The following DAB1 variants were observed in gnomAD, a reference collection of about 807,000 sequenced individuals.
DAB1 encodes the protein DAB adaptor protein 1, also known as disabled homolog 1.
Under a neutral mutation model 64.6 loss-of-function variants are expected in DAB1, and 15 were observed. That is an observed-to-expected ratio of 0.23 (90% CI 0.16 to 0.36). The LOEUF is 0.36. Ranked by LOEUF, DAB1 falls within the 10% of genes least tolerant of loss-of-function variation. The pLI is 1.00. For synonymous variants in DAB1, 235 were observed against 251.9 expected (o/e 0.93, Z 0.64); for missense variants, 596 against 706.7 (o/e 0.84, Z 1.78).
At chr1:57,053,642 ATCTCTC>A (rs146813079) in intron 9 of DAB1, among the ~76,000 whole-genome samples, 1 of 126,284 alleles carries the variant, frequency 7.9e-6, no homozygotes, top group Non-Finnish European at 1.6e-5. Context: ...CCATCTAAGA[ATCTCTC>A]TCTCTCTCTC....
rs1366864165 is a variant in DAB1 at position 57,695,271 on chromosome 1, A to T, written n.552-45606T>A. Among the ~76,000 whole-genome samples, 45 of 133,020 alleles carry T rather than the reference A, an allele frequency of 3.4e-4. 1 individual carries two copies. Among genetic ancestry groups the T allele is most frequent in the Non-Finnish European group, 5.3e-4 (33 of 61,798 alleles). 87.3% of individuals were successfully genotyped at this position (133,020 alleles called of 152,430 possible). ...AAAGAAAGAAAGAAGGAAGGAAGGA[A>T]GGAAGGAAGGAAGAAAGGGAGAGAG... On this transcript the variant is annotated intron_variant and non_coding_transcript_variant, in intron 6 of 20. Transcript: ENST00000485760.
intron 2 of DAB1, among the ~76,000 whole-genome samples, chr1:57,197,237 A>G (rs1394526213): frequency 6.6e-6 from 1 of 151,946 alleles, no homozygotes; most frequent in Non-Finnish European, 1.5e-5. Flanking sequence ...CCAGTTACTC[A>G]GGAGGTTGAG....
chr1:57,537,793 G>C (rs926859995), intron 7 of DAB1, among the ~76,000 whole-genome samples: 1 of 152,206 alleles, frequency 6.6e-6, no homozygotes, highest in East Asian at 1.9e-4. Context: ...CTGAGGCTGA[G>C]TAATTTATAA....
intron 2 of DAB1, among the ~76,000 whole-genome samples, chr1:57,177,191 T>A (rs1419979912): frequency 6.6e-6 from 1 of 152,106 alleles, no homozygotes; most frequent in East Asian, 1.9e-4. Flanking sequence ...CTTTCTGTGA[T>A]TTGCTGCCCT....
chr1:57,519,677 C>T (rs144054601), intron 7 of DAB1, among the ~76,000 whole-genome samples: 13 of 152,222 alleles, frequency 8.5e-5, no homozygotes, highest in African/African-American at 2.6e-4. Context: ...AAGTTATCTA[C>T]GAGGCTTGTA....
chr1:57,621,707 C>T (rs1057132328), intron 7 of DAB1, among the ~76,000 whole-genome samples: 2 of 152,124 alleles, frequency 1.3e-5, no homozygotes, highest in East Asian at 1.9e-4. Flanking sequence ...GTGGGATTCT[C>T]GCTGCAGAGA....
intron 2 of DAB1, among the ~76,000 whole-genome samples, chr1:57,275,615 A>G (rs1195169557): frequency 1.3e-5 from 2 of 152,214 alleles, no homozygotes; most frequent in Non-Finnish European, 2.9e-5. Flanking sequence ...AAATCAAGAC[A>G]CCAGGACAAC....
At chr1:57,668,032 T>TTA (rs1558592750) in intron 6 of DAB1, among the ~76,000 whole-genome samples, 1 of 151,386 alleles carries the variant, frequency 6.6e-6, no homozygotes, top group Non-Finnish European at 1.5e-5. Context: ...AAGTAAAATT[T>TTA]AAAAAAAAAT....
At chr1:58,445,901 C>T (rs957857810) in intron 3 of DAB1, among the ~76,000 whole-genome samples, 4 of 152,156 alleles carry the variant, frequency 2.6e-5, no homozygotes, top group African/African-American at 4.8e-5. Context: ...AACAGGTCTC[C>T]GGCCTGGCAG....
In DAB1 at chr1:57,907,988, A is replaced by C. The variant is rs573153396; in HGVS notation, n.388-23826T>G. 1.4e-4 allele frequency among the ~76,000 whole-genome samples: 21 copies of C among 151,840 alleles called. No homozygotes were observed. In the South Asian group the frequency reaches 4.4e-3, roughly 32 times the overall value. ...AACCAAATTACCCAGCACCATTACTAAATATAAGTCCTCTCCCCTACTTGA... is the reference window on the plus strand; with the variant it reads ...AACCAAATTACCCAGCACCATTACTCAATATAAGTCCTCTCCCCTACTTGA... On this transcript the variant is annotated intron_variant and non_coding_transcript_variant, in intron 5 of 20. Coordinates refer to the DAB1 transcript ENST00000485760.
chr1:57,618,195 A>C (rs1438702157), intron 7 of DAB1, among the ~76,000 whole-genome samples: 1 of 152,160 alleles, frequency 6.6e-6, no homozygotes, highest in Non-Finnish European at 1.5e-5. Flanking sequence ...TGGGTGGATC[A>C]CTTGAGGTCA....
At chr1:58,392,368 T>C (rs936597582) in intron 3 of DAB1, among the ~76,000 whole-genome samples, 37 of 152,172 alleles carry the variant, frequency 2.4e-4, no homozygotes, top group Admixed American at 3.9e-4. Context: ...CTCTCAACTA[T>C]AAAGAGAAAC....
chr1:57,428,039 A>T (rs1257746261), upstream of DAB1, among the ~76,000 whole-genome samples: 2 of 152,098 alleles, frequency 1.3e-5, no homozygotes, highest in Non-Finnish European at 2.9e-5. Flanking sequence ...GTGGTGGCTC[A>T]TGCCTGTAAT....
At chr1:57,581,665 T>C (rs1331258741) in intron 7 of DAB1, among the ~76,000 whole-genome samples, 1 of 149,506 alleles carries the variant, frequency 6.7e-6, no homozygotes, top group South Asian at 2.1e-4. Flanking sequence ...AATATGGTCC[T>C]ATATACCACA....
intron 5 of DAB1, among the ~76,000 whole-genome samples, chr1:58,064,395 T>A (rs897086667): frequency 2.0e-5 from 3 of 152,208 alleles, no homozygotes; most frequent in Non-Finnish European, 4.4e-5. Flanking sequence ...AGCATCCTAA[T>A]GACACTGAAA....
At chr1:58,443,011 T>C (rs988509679) in intron 3 of DAB1, among the ~76,000 whole-genome samples, 2 of 152,252 alleles carry the variant, frequency 1.3e-5, no homozygotes, top group African/African-American at 4.8e-5. Context: ...ATGTTTTTTC[T>C]AAGAACCTCA....
intron 1 of DAB1, among the ~76,000 whole-genome samples, chr1:57,328,791 AC>A (rs1460888784): frequency 6.6e-6 from 1 of 152,170 alleles, no homozygotes; most frequent in East Asian, 1.9e-4. Flanking sequence ...CTGGCAAAAA[AC>A]TTTTGAGTTT....
chr1:57,281,812 G>C (rs551457518), intron 2 of DAB1, among the ~76,000 whole-genome samples: 12 of 152,208 alleles, frequency 7.9e-5, no homozygotes, highest in African/African-American at 2.6e-4. Context: ...GGCCAGTGGG[G>C]AAGAAGGAAT....
intron 6 of DAB1, among the ~76,000 whole-genome samples, chr1:57,783,206 C>G (rs1650192505): frequency 1.3e-5 from 2 of 149,530 alleles, no homozygotes; most frequent in Admixed American, 6.7e-5. Context: ...ACCTCCCAGG[C>G]TCAAGCAATC....
Sources: gnomAD v4.1 joint callset for allele counts (sites outside exome capture counted in the v4.1 genomes callset) on GRCh38, gnomAD v4.1.1 for gene constraint, MANE v1.5 for transcripts, NCBI Gene and HGNC (gene_info 2026-07-23, HGNC 2026-07-21) for gene names.